The following AGBL1 variants were observed in gnomAD, a reference collection of about 807,000 sequenced individuals.
AGBL1 encodes the protein AGBL carboxypeptidase 1.
In AGBL1, 130 loss-of-function variants were observed where a neutral mutation model predicts 118.9. That is an observed-to-expected ratio of 1.09 (90% CI 0.95 to 1.26). The LOEUF (loss-of-function observed/expected upper bound fraction) is 1.26. Among genes scored for constraint, AGBL1 ranks in the 50% most tolerant of loss-of-function variants. The pLI, the probability that AGBL1 is intolerant of heterozygous loss-of-function variation, is 0.00. For synonymous variants in AGBL1, 555 were observed against 478.9 expected, an observed-to-expected ratio of 1.16 and a Z score of -2.08; for missense variants, 1,584 against 1,298.1, an observed-to-expected ratio of 1.22 and a Z score of -3.38.
chr15:86,155,464 A>G (rs1049760816), intron 4 of AGBL1, among the ~76,000 whole-genome samples: 1 of 152,238 alleles, frequency 6.6e-6, no homozygotes, highest in Non-Finnish European at 1.5e-5. Flanking sequence ...AAATAAAAAA[A>G]GTGAAGCGAT....
At chr15:86,792,297 A>T (rs1409918057) in intron 22 of AGBL1, among the ~76,000 whole-genome samples, 1 of 151,946 alleles carries the variant, frequency 6.6e-6, no homozygotes, top group Non-Finnish European at 1.5e-5. Context: ...TCATGTTCTA[A>T]TTTGATTAAT....
intron 23 of AGBL1, among the ~76,000 whole-genome samples, chr15:86,984,071 T>C (rs988492124): frequency 5.3e-5 from 8 of 152,186 alleles, no homozygotes; most frequent in African/African-American, 1.9e-4. Flanking sequence ...TTTTGGGTTG[T>C]ATGGTAAGTC....
intron 23 of AGBL1, among the ~76,000 whole-genome samples, chr15:86,977,368 AT>A (rs2081185956): frequency 6.6e-6 from 1 of 150,796 alleles, no homozygotes; most frequent in Non-Finnish European, 1.5e-5. Context: ...TAAGTTCCTT[AT>A]TGTTCCTTTT....
At chr15:86,332,062 G>C (rs529567930) in intron 17 of AGBL1, among the ~76,000 whole-genome samples, 1 of 151,582 alleles carries the variant, frequency 6.6e-6, no homozygotes, top group South Asian at 2.1e-4. Context: ...TAGCCTCAAA[G>C]TAAAGGACTG....
chr15:86,580,481 AT>A (rs972942011), intron 21 of AGBL1, among the ~76,000 whole-genome samples: 2 of 145,278 alleles, frequency 1.4e-5, no homozygotes, highest in East Asian at 1.9e-4. Context: ...TTATTTTGGT[AT>A]TTTTTTCTAG....
At position 86,271,601 on chromosome 15, in the gene AGBL1, C is replaced by T; in HGVS notation, c.1988-18C>T. The stretch of plus-strand genomic sequence containing the variant: ...CTCTCTTTCCCTCATGGATTAATTC[C>T]TTTCTGATTTTGTGTAGGGATGCAG... On this transcript the variant is annotated intron_variant, in intron 14 of 22. Coordinates refer to ENST00000614907, the MANE Select transcript of AGBL1 (RefSeq NM_001386094.1). 2 of 1,583,720 alleles carry T rather than the reference C, an allele frequency of 1.3e-6. No individual in the cohort carries two copies. Among genetic ancestry groups the T allele is most frequent in the Non-Finnish European group, 1.7e-6 (2 of 1,152,618 alleles).
intron 21 of AGBL1, among the ~76,000 whole-genome samples, chr15:86,620,199 C>T: frequency 6.6e-6 from 1 of 152,272 alleles, no homozygotes; most frequent in Non-Finnish European, 1.5e-5. Flanking sequence ...GAGGTCACAT[C>T]CAGTCTGTCT....
At chr15:86,431,683 C>T (rs57606110) in intron 18 of AGBL1, among the ~76,000 whole-genome samples, 3,491 of 152,262 alleles carry the variant, frequency 0.023, 103 homozygotes, top group African/African-American at 0.075. Flanking sequence ...GGATTCCACA[C>T]GCATTTCTAA....
At position 86,732,229 on chromosome 15, in the gene AGBL1, A is replaced by T. The variant is rs540794609; in HGVS notation, c.3158+57793A>T. Among the ~76,000 whole-genome samples the T allele has an allele frequency of 3.3e-5, 5 of 152,376 alleles. No individual in the cohort carries two copies. In the East Asian group the frequency reaches 9.6e-4, roughly 29 times the overall value. On this transcript the variant is annotated intron_variant, in intron 22 of 22. Coordinates refer to ENST00000614907, the MANE Select transcript of AGBL1 (RefSeq NM_001386094.1). ...TATACCTTAGTGGTCTGAAAAAATAATAATTTCATTTATTCAAATGATAGT... is the reference window on the plus strand; with the variant it reads ...TATACCTTAGTGGTCTGAAAAAATATTAATTTCATTTATTCAAATGATAGT...
At chr15:86,685,150 T>G (rs2086031036) in intron 22 of AGBL1, among the ~76,000 whole-genome samples, 1 of 152,158 alleles carries the variant, frequency 6.6e-6, no homozygotes, top group Admixed American at 6.6e-5. Context: ...TACAAGGGGC[T>G]TAAATGTTCT....
chr15:86,938,622 C>T (rs1950857411), intron 23 of AGBL1, among the ~76,000 whole-genome samples: 1 of 152,156 alleles, frequency 6.6e-6, no homozygotes, highest in African/African-American at 2.4e-5. Flanking sequence ...AAAATTGAGA[C>T]TAACTCAAGC....
chr15:86,454,717 G>A (rs1383775442), intron 18 of AGBL1, among the ~76,000 whole-genome samples: 1 of 152,130 alleles, frequency 6.6e-6, no homozygotes, highest in Non-Finnish European at 1.5e-5. Flanking sequence ...ACTGATGGTT[G>A]TCTCAAAACA....
At chr15:86,562,879 C>A (rs553211315) in intron 21 of AGBL1, among the ~76,000 whole-genome samples, 1,690 of 151,920 alleles carry the variant, frequency 0.011, 17 homozygotes, top group South Asian at 0.043. Context: ...TGGGAGGGTG[C>A]ATGTGTCCAG....
chr15:86,728,500 C>A (rs979609862), intron 22 of AGBL1, among the ~76,000 whole-genome samples: 3 of 152,174 alleles, frequency 2.0e-5, no homozygotes, highest in Non-Finnish European at 4.4e-5. Flanking sequence ...CAGAGCCTAC[C>A]TTTTCGCCTC....
intron 24 of AGBL1, among the ~76,000 whole-genome samples, chr15:87,016,641 G>C (rs1446394738): frequency 6.6e-6 from 1 of 152,218 alleles, no homozygotes; most frequent in Non-Finnish European, 1.5e-5. Context: ...GAAATATCCA[G>C]ATTCTCACAT....
intron 22 of AGBL1, among the ~76,000 whole-genome samples, chr15:86,846,023 G>A (rs2079312312): frequency 6.6e-6 from 1 of 152,178 alleles, no homozygotes; most frequent in African/African-American, 2.4e-5. Context: ...TTTGCAAACT[G>A]ATATTGCCAA....
At chr15:86,080,453 A>G (rs1252727389) in intron 1 of AGBL1, among the ~76,000 whole-genome samples, 1 of 152,172 alleles carries the variant, frequency 6.6e-6, no homozygotes, top group Non-Finnish European at 1.5e-5. Flanking sequence ...CTAAATGGCT[A>G]TCTTACTGGG....
intron 23 of AGBL1, among the ~76,000 whole-genome samples, chr15:86,980,577 G>A (rs1596702783): frequency 6.6e-6 from 1 of 152,060 alleles, no homozygotes; most frequent in African/African-American, 2.4e-5. Flanking sequence ...CCTAGGTTGT[G>A]GGCTGCAGCA....
chr15:86,633,216 TG>T (rs1411329443), intron 21 of AGBL1, among the ~76,000 whole-genome samples: 1 of 152,232 alleles, frequency 6.6e-6, no homozygotes, highest in African/African-American at 2.4e-5. Flanking sequence ...AATGCTGTGT[TG>T]TGTGATAATG....
Sources: gnomAD v4.1 joint callset for allele counts (sites outside exome capture counted in the v4.1 genomes callset) on GRCh38, gnomAD v4.1.1 for gene constraint, MANE v1.5 for transcripts, NCBI Gene and HGNC (gene_info 2026-07-23, HGNC 2026-07-21) for gene names.